Variants in EPS15 observed in about 807,000 individuals in gnomAD.
EPS15 encodes epidermal growth factor receptor pathway substrate 15, also known as epidermal growth factor receptor substrate 15.
Under a neutral mutation model 113.8 loss-of-function variants are expected in EPS15, and 72 were observed. The observed-to-expected ratio is 0.63, with a 90% CI of 0.52 to 0.77. EPS15 has a LOEUF of 0.77. Ranked by LOEUF, EPS15 falls within the 30% of genes least tolerant of loss-of-function variation. EPS15 has a pLI of 0.00. For missense variants in EPS15, 1,048 were observed against 1,045.8 expected (o/e 1.00, Z -0.03); for synonymous variants, 344 against 363.4 (o/e 0.95, Z 0.61).
chr1:51,426,365 GACCAATGCCAAA>G (rs1300127889), intron 12 of EPS15, among the ~76,000 whole-genome samples: 1 of 147,958 alleles, frequency 6.8e-6, no homozygotes, highest in African/African-American at 2.5e-5. Flanking sequence ...ATGAGCCTGT[GACCAATGCCAAA>G]GCAGTCAGAA....
chr1:51,483,714 G>C (rs1316156585), intron 1 of EPS15, among the ~76,000 whole-genome samples: 1 of 152,056 alleles, frequency 6.6e-6, no homozygotes, highest in Non-Finnish European at 1.5e-5. Context: ...GCTGAGGCAG[G>C]GGAATTGCTT....
intron 7 of EPS15, among the ~76,000 whole-genome samples, chr1:51,462,678 G>A (rs367891499): frequency 1.3e-5 from 2 of 151,922 alleles, no homozygotes; most frequent in Non-Finnish European, 2.9e-5. Context: ...CAAAAGACAG[G>A]GAATAAAGTT....
chr1:51,514,332 G>A (rs1281787350), intron 1 of EPS15, among the ~76,000 whole-genome samples: 1 of 151,876 alleles, frequency 6.6e-6, no homozygotes, highest in Non-Finnish European at 1.5e-5. Flanking sequence ...TCTCTCTCAG[G>A]CCATTTACTT....
At position 51,495,383 on chromosome 1, in the gene EPS15, T is replaced by A. The variant is rs372727997; in HGVS notation, c.34-14069A>T. Among the ~76,000 whole-genome samples, 24 of 151,302 alleles carry A rather than the reference T, an allele frequency of 1.6e-4. No homozygotes were observed. The East Asian group carries it at 4.7e-3, about 29-fold the overall frequency. ...TTTTTTTGCTGGCAAGTATGTAGAG[T>A]AAGAGTTTTACAGTTCTTGACTGGT... On this transcript the variant is annotated intron_variant, in intron 1 of 24. Transcript: ENST00000371733.
intron 1 of EPS15, among the ~76,000 whole-genome samples, chr1:51,492,498 T>C (rs1217842554): frequency 4.6e-5 from 7 of 152,142 alleles, no homozygotes; most frequent in Non-Finnish European, 7.4e-5. Context: ...TTCAAAGAGA[T>C]AGTACAGAAA....
intron 1 of EPS15, among the ~76,000 whole-genome samples, chr1:51,512,351 G>C (rs538611725): frequency 1.3e-5 from 2 of 152,170 alleles, no homozygotes; most frequent in Non-Finnish European, 2.9e-5. Flanking sequence ...GGGCAGAACA[G>C]GTGTGCTCTT....
chr1:51,408,663 A>C (rs1649378350), intron 14 of EPS15, among the ~76,000 whole-genome samples: 1 of 152,092 alleles, frequency 6.6e-6, no homozygotes, highest in Non-Finnish European at 1.5e-5. Context: ...TCTGTCACCC[A>C]GGCTGGAGTG....
At chr1:51,499,237 A>T (rs185355370) in intron 1 of EPS15, among the ~76,000 whole-genome samples, 1 of 152,356 alleles carries the variant, frequency 6.6e-6, no homozygotes, top group Admixed American at 6.5e-5. Context: ...ATATAAAAAC[A>T]AACATAATAT....
chr1:51,411,918 T>C (rs55972866), intron 13 of EPS15, among the ~76,000 whole-genome samples: 4,577 of 152,306 alleles, frequency 0.03, 74 homozygotes, highest in African/African-American at 0.05. Flanking sequence ...GTATGTTTAT[T>C]GCAGCACTAT....
chr1:51,436,063 G>C (rs762672438), intron 12 of EPS15, among the ~76,000 whole-genome samples: 1 of 152,150 alleles, frequency 6.6e-6, no homozygotes, highest in Admixed American at 6.5e-5. Context: ...TAGTAGATTC[G>C]AGTACTGTAC....
chr1:51,447,116 G>T lies in EPS15; in HGVS notation c.652-11C>A. ...AGGGGATACAACCCACTACAGGGAG[G>T]AAAAAAAACAGTATTTCTGCCAAAA... On this transcript the variant is annotated splice_polypyrimidine_tract_variant and intron_variant, in intron 9 of 24. Coordinates refer to ENST00000371733, the MANE Select transcript of EPS15 (RefSeq NM_001981.3). 1 of 1,575,792 alleles carries T rather than the reference G, an allele frequency of 6.3e-7. No homozygotes were observed. Among genetic ancestry groups the T allele is most frequent in the Non-Finnish European group, 8.6e-7 (1 of 1,167,624 alleles).
In EPS15 at chr1:51,457,342, A is replaced by G. The variant is rs115940923; in HGVS notation, c.561+3749T>C. 5.1e-3 allele frequency among the ~76,000 whole-genome samples: 778 copies of G among 152,036 alleles called. 8 individuals carry two copies. The highest frequency in any genetic ancestry group is 0.017 in the African/African-American group (724 of 41,502). On this transcript the variant is annotated intron_variant, in intron 8 of 24. Transcript: ENST00000371733. ...GAACATGATGGGGAAGAAAATAAAT[A>G]AAAATAATCTAAAGGACTCATTTTG...
At chr1:51,489,234 TATA>T (rs2148534101) in intron 1 of EPS15, among the ~76,000 whole-genome samples, 1 of 149,876 alleles carries the variant, frequency 6.7e-6, no homozygotes, top group South Asian at 2.1e-4. Context: ...GAAATGTAAA[TATA>T]ATAAACTTTA....
chr1:51,400,583 G>A (rs1350844898), intron 19 of EPS15, among the ~76,000 whole-genome samples: 1 of 151,664 alleles, frequency 6.6e-6, no homozygotes, highest in East Asian at 1.9e-4. Context: ...TGTAGACCTA[G>A]GTACTCAGGA....
At chr1:51,487,961 C>G (rs1428190481) in intron 1 of EPS15, among the ~76,000 whole-genome samples, 1 of 152,012 alleles carries the variant, frequency 6.6e-6, no homozygotes, top group East Asian at 1.9e-4. Flanking sequence ...AAAAAAATCA[C>G]ATATAATGAA....
intron 1 of EPS15, among the ~76,000 whole-genome samples, chr1:51,485,268 A>G (rs538841586): frequency 6.6e-6 from 1 of 152,370 alleles, no homozygotes; most frequent in East Asian, 1.9e-4. Context: ...ACAGAGCAAT[A>G]TGTGTATTCT....
chr1:51,449,186 C>T (rs1202494287), intron 8 of EPS15, among the ~76,000 whole-genome samples: 6 of 152,088 alleles, frequency 3.9e-5, no homozygotes, highest in Non-Finnish European at 5.9e-5. Flanking sequence ...ATGGAATCAA[C>T]CTAAATGCCC....
chr1:51,372,987 T>C (rs1646696856), intron 21 of EPS15: 1 of 356,712 alleles, frequency 2.8e-6, no homozygotes, highest in Admixed American at 4.2e-5. Context: ...TGCAGCAGTC[T>C]GTCAAGGCCT....
At chr1:51,364,151 A>C (rs72694132) in intron 22 of EPS15, 123 bp from the exon 23 acceptor site, 19,457 of 756,206 alleles carry the variant, frequency 0.026, 321 homozygotes, top group Non-Finnish European at 0.031. Context: ...AGAACACTGA[A>C]ATTTTAACCT....
Sources: allele counts gnomAD v4.1 joint callset (sites outside exome capture counted in the v4.1 genomes callset), GRCh38; gene constraint gnomAD v4.1.1; transcripts MANE v1.5; gene names NCBI Gene and HGNC (gene_info 2026-07-23, HGNC 2026-07-21).